The following CSMD1 variants were observed in gnomAD, a reference collection of about 807,000 sequenced individuals.
CSMD1 encodes CUB and sushi domain-containing protein 1.
CSMD1 carries 213 observed loss-of-function variants against 417.5 expected under a neutral mutation model. The observed-to-expected ratio is 0.51, with a 90% CI of 0.46 to 0.57. The LOEUF is 0.57. Ranked by LOEUF, CSMD1 falls within the 20% of genes least tolerant of loss-of-function variation. The pLI is 0.00. For missense variants in CSMD1, 6,923 were observed against 4,529.7 expected (o/e 1.53, Z -15.17); for synonymous variants, 2,862 against 1,736.8 (o/e 1.65, Z -16.11).
At chr8:4,035,860 G>A (rs1014409423) in intron 3 of CSMD1, among the ~76,000 whole-genome samples, 21 of 152,040 alleles carry the variant, frequency 1.4e-4, no homozygotes, top group Non-Finnish European at 2.1e-4. Flanking sequence ...GTCTACAGTC[G>A]TACATAGTCC....
chr8:3,037,585 T>C (rs1238522903), intron 50 of CSMD1, among the ~76,000 whole-genome samples: 1 of 152,098 alleles, frequency 6.6e-6, no homozygotes, highest in Non-Finnish European at 1.5e-5. Flanking sequence ...TTCCACAGAG[T>C]GACTTCTCTT....
chr8:4,195,409 A>T (rs1799273821), intron 3 of CSMD1, among the ~76,000 whole-genome samples: 1 of 152,142 alleles, frequency 6.6e-6, no homozygotes, highest in Non-Finnish European at 1.5e-5. Context: ...TGTTTGACCC[A>T]CCGATGCAAG....
At chr8:3,490,535 G>T (rs1479578807) in intron 11 of CSMD1, among the ~76,000 whole-genome samples, 2 of 152,164 alleles carry the variant, frequency 1.3e-5, no homozygotes, top group East Asian at 3.9e-4. Context: ...ATACGTGTGG[G>T]TTACATTTTT....
intron 3 of CSMD1, among the ~76,000 whole-genome samples, chr8:4,100,335 C>T (rs898928826): frequency 3.9e-5 from 6 of 152,228 alleles, no homozygotes; most frequent in South Asian, 2.1e-4. Flanking sequence ...ATGAATGCCT[C>T]GTGACTTCTA....
At chr8:4,373,194 C>G (rs1358521708) in intron 3 of CSMD1, among the ~76,000 whole-genome samples, 1 of 152,136 alleles carries the variant, frequency 6.6e-6, no homozygotes, top group East Asian at 1.9e-4. Flanking sequence ...TCCAAACTGT[C>G]AAAGTCATCA....
chr8:3,206,574 TGTG>T (rs386720965), intron 30 of CSMD1, among the ~76,000 whole-genome samples: 1 of 138,600 alleles, frequency 7.2e-6, no homozygotes, highest in Non-Finnish European at 1.5e-5. Flanking sequence ...TATGTGTGTG[TGTG>T]TGTATGTGTG....
At chr8:3,104,483 A>G (rs1486078988) in intron 46 of CSMD1, among the ~76,000 whole-genome samples, 2 of 152,168 alleles carry the variant, frequency 1.3e-5, no homozygotes, top group Non-Finnish European at 2.9e-5. Flanking sequence ...CTGCTCAGGT[A>G]GCGGTTTCCT....
At chr8:4,576,782 TAA>T (rs2130679141) in intron 2 of CSMD1, among the ~76,000 whole-genome samples, 1 of 152,188 alleles carries the variant, frequency 6.6e-6, no homozygotes, top group South Asian at 2.1e-4. Context: ...CAAGTGATAT[TAA>T]GATATTTACC....
chr8:4,072,173 G>C (rs1320641431), intron 3 of CSMD1, among the ~76,000 whole-genome samples: 1 of 152,162 alleles, frequency 6.6e-6, no homozygotes. Context: ...AGTGCTACTA[G>C]TTTCCAGGTG....
intron 1 of CSMD1, among the ~76,000 whole-genome samples, chr8:4,917,217 G>C (rs1399940263): frequency 6.6e-6 from 1 of 152,180 alleles, no homozygotes; most frequent in African/African-American, 2.4e-5. Flanking sequence ...AAAATAAGCA[G>C]ATCTCCTGTG....
chr8:3,517,443 A>G (rs796092606), intron 10 of CSMD1, among the ~76,000 whole-genome samples: 11 of 152,316 alleles, frequency 7.2e-5, no homozygotes, highest in African/African-American at 2.6e-4. Context: ...CAACCTATGC[A>G]TTGATTTCCA....
Position 4,474,076 on chromosome 8 carries a change from T to C in CSMD1, c.303-54011A>G, listed in dbSNP as rs547819498. ...CAAATATATGCAAACGTATAATGTA[T>C]GCAATTACAATCTAAACGAACATAC... is the stretch of plus-strand genomic sequence containing the variant. On this transcript the variant is annotated intron_variant, in intron 2 of 69. Transcript: ENST00000635120. Among the ~76,000 whole-genome samples the C allele has an allele frequency of 5.3e-5, 8 of 152,268 alleles. No homozygotes were observed. The East Asian group carries it at 1.5e-3, about 29-fold the overall frequency.
intron 10 of CSMD1, among the ~76,000 whole-genome samples, chr8:3,499,030 T>G (rs892681500): frequency 6.6e-6 from 1 of 152,242 alleles, no homozygotes; most frequent in East Asian, 1.9e-4. Context: ...AAAATGATTT[T>G]GTTCCCTTGG....
intron 1 of CSMD1, among the ~76,000 whole-genome samples, chr8:4,817,883 A>G (rs1799296799): frequency 6.6e-6 from 1 of 152,216 alleles, no homozygotes; most frequent in South Asian, 2.1e-4. Flanking sequence ...GAGTTTCAGC[A>G]AAGAACATTA....
chr8:4,498,790 CAG>C lies in CSMD1; in HGVS notation c.303-78727_303-78726del, dbSNP rs1291170743. Among the ~76,000 whole-genome samples, 4 of 152,166 alleles carry C rather than the reference CAG, an allele frequency of 2.6e-5. No individual in the cohort carries two copies. In the East Asian group the frequency reaches 5.8e-4, roughly 22 times the overall value. ...TAGAAGAGGATGTTGGCCAAGCTAA[CAG>C]AGTTATTACCGAGATTCCCCCTGGA... On this transcript the variant is annotated intron_variant, in intron 2 of 69. Coordinates refer to ENST00000635120, the MANE Select transcript of CSMD1 (RefSeq NM_033225.6).
chr8:3,418,219 G>C (rs188557207), intron 12 of CSMD1, among the ~76,000 whole-genome samples: 1 of 152,212 alleles, frequency 6.6e-6, no homozygotes, highest in East Asian at 1.9e-4. Flanking sequence ...CTTCCCTTTT[G>C]TGGCCCCAGT....
chr8:4,357,821 T>TA (rs1273555782), intron 3 of CSMD1, among the ~76,000 whole-genome samples: 1 of 152,090 alleles, frequency 6.6e-6, no homozygotes, highest in Non-Finnish European at 1.5e-5. Flanking sequence ...AAAATAGTAT[T>TA]ACAAAATTTA....
intron 2 of CSMD1, among the ~76,000 whole-genome samples, chr8:4,429,077 G>C (rs1797724882): frequency 6.6e-6 from 1 of 151,650 alleles, no homozygotes; most frequent in Non-Finnish European, 1.5e-5. Context: ...CAATGTCTCA[G>C]TATATATGTC....
chr8:3,877,639 C>T (rs979693709), intron 5 of CSMD1, among the ~76,000 whole-genome samples: 1 of 151,952 alleles, frequency 6.6e-6, no homozygotes, highest in African/African-American at 2.4e-5. Flanking sequence ...CTACTCCTTA[C>T]AGTAGAATGT....
Sources: allele counts gnomAD v4.1 joint callset (sites outside exome capture counted in the v4.1 genomes callset), GRCh38; gene constraint gnomAD v4.1.1; transcripts MANE v1.5; gene names NCBI Gene and HGNC (gene_info 2026-07-23, HGNC 2026-07-21).